Variants in ZNF599 observed in about 807,000 individuals in gnomAD.
ZNF599 encodes zinc finger protein 599.
In ZNF599, 10 loss-of-function variants were observed where a neutral mutation model predicts 11.7. The ratio of observed to expected loss-of-function variants is 0.86; its 90% CI spans 0.53 to 1.45. The LOEUF (loss-of-function observed/expected upper bound fraction) is 1.45, where lower values mean the gene tolerates loss of function less well. Ranked by LOEUF, ZNF599 falls within the 40% of genes most tolerant of loss-of-function variation. ZNF599 has a pLI of 0.00. For synonymous variants in ZNF599, 232 were observed against 253.2 expected, an observed-to-expected ratio of 0.92 and a Z score of 0.79; for missense variants, 688 against 713.6, an observed-to-expected ratio of 0.96 and a Z score of 0.41.
intron 1 of ZNF599, 132 bp downstream of exon 1, chr19:34,772,692 T>C: frequency 6.7e-7 from 1 of 1,492,432 alleles, no homozygotes; most frequent in African/African-American, 1.4e-5. Flanking sequence ...CACCTCACCC[T>C]CTCCCGGGAT....
the ZNF599 span, among the ~76,000 whole-genome samples, chr19:34,792,693 C>T: frequency 6.6e-6 from 1 of 152,020 alleles, no homozygotes; most frequent in Admixed American, 6.6e-5. Flanking sequence ...GAAAACCCGT[C>T]TCTACTAAAA....
At chr19:34,781,202 GAA>G in the ZNF599 span, among the ~76,000 whole-genome samples, 2 of 143,422 alleles carry the variant, frequency 1.4e-5, no homozygotes, top group Admixed American at 7.0e-5. Flanking sequence ...AGGAGAGAGA[GAA>G]AAGGAAGGAA....
chr19:34,806,477 GC>G, the ZNF599 span, among the ~76,000 whole-genome samples: 1 of 152,172 alleles, frequency 6.6e-6, no homozygotes, highest in Non-Finnish European at 1.5e-5. Flanking sequence ...GTGAAACCGT[GC>G]CCCAGGGGTA....
At chr19:34,802,082 T>G in the ZNF599 span, among the ~76,000 whole-genome samples, 1 of 152,230 alleles carries the variant, frequency 6.6e-6, no homozygotes, top group Non-Finnish European at 1.5e-5. Context: ...ATCTTTCACT[T>G]CATGCCAATA....
chr19:34,777,394 AATATATATTAT>A (rs1293038037), upstream of ZNF599, among the ~76,000 whole-genome samples: 3 of 88,794 alleles, frequency 3.4e-5, no homozygotes, highest in Non-Finnish European at 6.0e-5. Context: ...ATTAATATAT[AATATATATTAT>A]ATATAATATA....
At chr19:34,766,140 T>C (rs1028252192) in intron 3 of ZNF599, among the ~76,000 whole-genome samples, 2 of 151,774 alleles carry the variant, frequency 1.3e-5, no homozygotes, top group African/African-American at 4.8e-5. Context: ...AGTGAAGATG[T>C]GGAATAGGGG....
chr19:34,764,600 T>C (rs1181640818), intron 3 of ZNF599: 2 of 152,236 alleles, frequency 1.3e-5, no homozygotes, highest in Non-Finnish European at 2.9e-5. Context: ...TCCAACTATA[T>C]GCAACCACAT....
At chr19:34,777,411 A>G (rs1459728465), upstream of ZNF599, among the ~76,000 whole-genome samples, 2 of 90,392 alleles carry the variant, frequency 2.2e-5, no homozygotes, top group Admixed American at 3.5e-4. Flanking sequence ...ATTATATATA[A>G]TATATATTAA....
At chr19:34,788,421 G>A in the ZNF599 span, among the ~76,000 whole-genome samples, 1 of 152,174 alleles carries the variant, frequency 6.6e-6, no homozygotes, top group East Asian at 1.9e-4. Flanking sequence ...GTGACTCAGG[G>A]ACACAGTGAA....
chr19:34,789,789 G>A, the ZNF599 span, among the ~76,000 whole-genome samples: 2 of 151,920 alleles, frequency 1.3e-5, no homozygotes, highest in African/African-American at 4.8e-5. Context: ...ATTCTCTCTC[G>A]ATCTGTAGGT....
At chr19:34,803,387 G>C in the ZNF599 span, among the ~76,000 whole-genome samples, 3 of 152,152 alleles carry the variant, frequency 2.0e-5, no homozygotes, top group Non-Finnish European at 4.4e-5. Context: ...AAAGTTCTCA[G>C]CATCACACTG....
chr19:34,790,116 C>T, the ZNF599 span, among the ~76,000 whole-genome samples: 1 of 152,188 alleles, frequency 6.6e-6, no homozygotes, highest in Admixed American at 6.5e-5. Context: ...CTGTCCTTTT[C>T]CCATGGTGTG....
chr19:34,805,831 G>A, the ZNF599 span, among the ~76,000 whole-genome samples: 25 of 152,270 alleles, frequency 1.6e-4, 1 homozygote, highest in East Asian at 4.5e-3. Context: ...GAGGAGATCT[G>A]TGATTCTCTG....
chr19:34,764,270 G>A (rs2069129301), intron 3 of ZNF599: 1 of 152,190 alleles, frequency 6.6e-6, no homozygotes, highest in Non-Finnish European at 1.5e-5. Flanking sequence ...AAAGAGTAAA[G>A]GGAAAGACAC....
At chr19:34,761,877 T>C (rs185168279) in intron 3 of ZNF599, among the ~76,000 whole-genome samples, 271 of 152,182 alleles carry the variant, frequency 1.8e-3, no homozygotes, top group African/African-American at 6.1e-3. Context: ...CAGAACAAGA[T>C]ATAAAAGCAT....
chr19:34,804,448 G>A, the ZNF599 span, among the ~76,000 whole-genome samples: 2 of 152,098 alleles, frequency 1.3e-5, no homozygotes, highest in African/African-American at 4.8e-5. Context: ...TCCAGTCCTC[G>A]GCCCTCACTC....
At chr19:34,796,459 T>C in the ZNF599 span, among the ~76,000 whole-genome samples, 1 of 151,828 alleles carries the variant, frequency 6.6e-6, no homozygotes, top group Non-Finnish European at 1.5e-5. Flanking sequence ...TACAGGCGCC[T>C]GCCACCATGC....
At chr19:34,799,162 C>T in the ZNF599 span, among the ~76,000 whole-genome samples, 3 of 152,080 alleles carry the variant, frequency 2.0e-5, no homozygotes, top group East Asian at 1.9e-4. Flanking sequence ...ACCACCCCAT[C>T]CTCCTAATTT....
At chr19:34,788,766 G>A in the ZNF599 span, 3 of 152,102 alleles carry the variant, frequency 2.0e-5, no homozygotes, top group Non-Finnish European at 4.4e-5. Context: ...GTATAGCCTC[G>A]ATAACATATA....
Sources: allele counts gnomAD v4.1 joint callset (sites outside exome capture counted in the v4.1 genomes callset), GRCh38; gene constraint gnomAD v4.1.1; transcripts MANE v1.5; gene names NCBI Gene and HGNC (gene_info 2026-07-23, HGNC 2026-07-21).